NCAM2: variants seen among roughly 807,000 people sequenced by gnomAD.
NCAM2 encodes N-CAM-2.
In NCAM2, 30 loss-of-function variants were observed where a neutral mutation model predicts 98.1. That is an observed-to-expected ratio of 0.31 (90% confidence interval 0.23 to 0.41). NCAM2 has a LOEUF of 0.41. NCAM2 is among the 10% of genes least tolerant of loss of function. The pLI is 1.00. For missense variants in NCAM2, 867 were observed against 1,005.8 expected (o/e 0.86, Z 1.87); for synonymous variants, 368 against 342.4 (o/e 1.07, Z -0.83).
At chr21:21,394,938 A>G (rs1214374425) in intron 9 of NCAM2, among the ~76,000 whole-genome samples, 1 of 152,118 alleles carries the variant, frequency 6.6e-6, no homozygotes, top group Non-Finnish European at 1.5e-5. Context: ...CCTGGTTTTC[A>G]TTCATCCATT....
intron 1 of NCAM2, among the ~76,000 whole-genome samples, chr21:21,188,423 C>G (rs1274725370): frequency 1.3e-5 from 2 of 152,002 alleles, no homozygotes; most frequent in Non-Finnish European, 2.9e-5. Context: ...AATAAATATA[C>G]TTTGAAACAA....
intron 16 of NCAM2, among the ~76,000 whole-genome samples, chr21:21,527,937 A>G (rs1370502742): frequency 6.6e-6 from 1 of 152,226 alleles, no homozygotes; most frequent in Non-Finnish European, 1.5e-5. Flanking sequence ...CAAAACTTGG[A>G]AGCAATTAAA....
intron 1 of NCAM2, among the ~76,000 whole-genome samples, chr21:21,103,090 T>G (rs1262460266): frequency 1.3e-5 from 2 of 152,050 alleles, no homozygotes; most frequent in Non-Finnish European, 2.9e-5. Flanking sequence ...GACGCTAGCT[T>G]ACAGTCTCCT....
chr21:21,439,094 T>A (rs1405075565), intron 12 of NCAM2, among the ~76,000 whole-genome samples: 6 of 148,962 alleles, frequency 4.0e-5, no homozygotes, highest in Non-Finnish European at 8.9e-5. Flanking sequence ...TCTAAAAAAA[T>A]AAATAAATAA....
chr21:21,298,610 GAT>G (rs1464645083), intron 5 of NCAM2, among the ~76,000 whole-genome samples: 1 of 151,340 alleles, frequency 6.6e-6, no homozygotes, highest in African/African-American at 2.4e-5. Context: ...TAGATAGATA[GAT>G]AGATAGATAG....
At chr21:21,471,539 T>C (rs1242594955) in intron 14 of NCAM2, among the ~76,000 whole-genome samples, 2 of 152,068 alleles carry the variant, frequency 1.3e-5, no homozygotes, top group East Asian at 1.9e-4. Context: ...AAAAAGTACA[T>C]AGAGGAATCT....
intron 16 of NCAM2, among the ~76,000 whole-genome samples, chr21:21,515,649 G>C (rs1988669210): frequency 2.0e-5 from 3 of 152,050 alleles, no homozygotes; most frequent in Admixed American, 6.6e-5. Flanking sequence ...AATTAATTCA[G>C]TGGAAAATTT....
chr21:21,266,760 T>C (rs1479346763), intron 1 of NCAM2, among the ~76,000 whole-genome samples: 2 of 152,048 alleles, frequency 1.3e-5, no homozygotes, highest in Non-Finnish European at 2.9e-5. Context: ...TTAGGAGATA[T>C]ACCTAATGTA....
At position 21,049,457 on chromosome 21, in the gene NCAM2, C is replaced by T. The variant is rs537377140; in HGVS notation, c.55+50839C>T. Among the ~76,000 whole-genome samples, 17 of 121,096 alleles carry T rather than the reference C, an allele frequency of 1.4e-4. No homozygotes were observed. In the South Asian group the frequency reaches 5.3e-3, roughly 38 times the overall value. 79.4% of individuals were successfully genotyped at this position (121,096 alleles called of 152,430 possible). ...AGATTCAATAATTGATGGCATAGAC[C>T]CTTCTGAATTGCCTAATAAAAAGAG... On this transcript the variant is annotated intron_variant, in intron 1 of 17. Coordinates refer to ENST00000400546, the MANE Select transcript of NCAM2 (RefSeq NM_004540.5).
chr21:21,314,863 T>A (rs1485936258), intron 5 of NCAM2, among the ~76,000 whole-genome samples: 2 of 152,178 alleles, frequency 1.3e-5, no homozygotes, highest in African/African-American at 4.8e-5. Flanking sequence ...TTTCCATTTA[T>A]TTCACCTAAT....
chr21:21,379,594 T>C (rs1438943124), intron 9 of NCAM2, among the ~76,000 whole-genome samples: 2 of 152,140 alleles, frequency 1.3e-5, no homozygotes, highest in Admixed American at 1.3e-4. Flanking sequence ...ATTTCTAATT[T>C]AGTTCAGTTG....
At chr21:21,424,065 C>T (rs1365443312) in intron 11 of NCAM2, among the ~76,000 whole-genome samples, 2 of 152,120 alleles carry the variant, frequency 1.3e-5, no homozygotes, top group African/African-American at 4.8e-5. Flanking sequence ...CTAAATATAA[C>T]GGCAGGATTC....
chr21:21,001,782 C>G (rs995939800), intron 1 of NCAM2, among the ~76,000 whole-genome samples: 3 of 152,254 alleles, frequency 2.0e-5, no homozygotes, highest in African/African-American at 7.2e-5. Context: ...GAACACTTAC[C>G]TAAGCCAAAA....
chr21:21,142,503 G>A (rs958355983), intron 1 of NCAM2, among the ~76,000 whole-genome samples: 4 of 149,040 alleles, frequency 2.7e-5, no homozygotes, highest in South Asian at 4.3e-4. Context: ...CTCAGACTCC[G>A]GAGTAGCTGG....
intron 1 of NCAM2, among the ~76,000 whole-genome samples, chr21:21,135,563 C>T (rs2067031228): frequency 6.6e-6 from 1 of 152,144 alleles, no homozygotes; most frequent in South Asian, 2.1e-4. Flanking sequence ...TTGTTCTTGT[C>T]ACTCGAAGCT....
intron 10 of NCAM2, among the ~76,000 whole-genome samples, chr21:21,411,931 A>G (rs1297445306): frequency 6.6e-6 from 1 of 152,192 alleles, no homozygotes; most frequent in Non-Finnish European, 1.5e-5. Context: ...AGAATTAGCT[A>G]TTTGTGACTT....
At chr21:21,372,986 T>C (rs1452831304) in intron 8 of NCAM2, among the ~76,000 whole-genome samples, 1 of 151,790 alleles carries the variant, frequency 6.6e-6, no homozygotes, top group African/African-American at 2.4e-5. Flanking sequence ...AAATGAATAA[T>C]TTGCTTTGCA....
chr21:21,350,986 G>A (rs2075321207), intron 8 of NCAM2, among the ~76,000 whole-genome samples: 1 of 149,892 alleles, frequency 6.7e-6, no homozygotes, highest in African/African-American at 2.4e-5. Context: ...GCGTGGTGGC[G>A]GGTGCCTGTA....
At chr21:21,112,333 T>C (rs768337233) in intron 1 of NCAM2, among the ~76,000 whole-genome samples, 3 of 152,184 alleles carry the variant, frequency 2.0e-5, no homozygotes, top group Non-Finnish European at 4.4e-5. Context: ...CTTAGAGAAA[T>C]ATTTTTCATC....
Sources: allele counts gnomAD v4.1 joint callset (sites outside exome capture counted in the v4.1 genomes callset), GRCh38; gene constraint gnomAD v4.1.1; transcripts MANE v1.5; gene names NCBI Gene and HGNC (gene_info 2026-07-23, HGNC 2026-07-21).